Variants in VEGFB observed in about 807,000 individuals in gnomAD.
The protein encoded by VEGFB is VEGF-related factor.
Under a neutral mutation model 22.5 loss-of-function variants are expected in VEGFB, and 24 were observed. The ratio of observed to expected loss-of-function variants is 1.07; its 90% CI spans 0.77 to 1.50. VEGFB has a LOEUF of 1.50. VEGFB is among the 40% of genes most tolerant of loss of function. The pLI is 0.00. For missense variants in VEGFB, 327 were observed against 287.8 expected, an observed-to-expected ratio of 1.14 and a Z score of -0.99; for synonymous variants, 141 against 117.4, an observed-to-expected ratio of 1.20 and a Z score of -1.30.
At position 64,238,642 on chromosome 11, in the gene VEGFB, C is replaced by G. The variant is rs1209156497; in HGVS notation, c.*309C>G. The stretch of plus-strand genomic sequence containing the variant: ...AGCTCAGGGGAGAATGGAGTACTGT[C>G]TCAGTTTCTAACCACTCTGTGCAAG... On this transcript the variant is annotated 3_prime_UTR_variant, in exon 7 of 7. Coordinates refer to ENST00000309422, the MANE Select transcript of VEGFB (RefSeq NM_003377.5). 1.8e-6 allele frequency: 1 copy of G among 565,206 alleles called. No homozygotes were observed. Among genetic ancestry groups the G allele is most frequent in the African/African-American group, 1.9e-5 (1 of 53,146 alleles). 35.0% of individuals were successfully genotyped at this position (565,206 alleles called of 1,614,324 possible).
intron 4 of VEGFB, among the ~76,000 whole-genome samples, chr11:64,236,903 A>T (rs1444986385): frequency 6.8e-6 from 1 of 147,714 alleles, no homozygotes; most frequent in African/African-American, 2.5e-5. Context: ...ACATGGTGAA[A>T]CCCCATCTCT....
Position 64,237,456 on chromosome 11 carries a change from T to TGTTCC in VEGFB, c.449_453dup (p.Gly152PhefsTer37), listed in dbSNP as rs777969822. The TGTTCC allele has an allele frequency of 6.2e-7, 1 of 1,610,140 alleles. No individual in the cohort carries two copies. The highest frequency in any genetic ancestry group is 8.5e-7 in the Non-Finnish European group (1 of 1,177,864). Reference sequence around the variant, plus strand: ...CCCACCACCGTCCCCAGCCCCGTTCTGTTCCGGGCTGGGACTCTGCCCCCG... The same window carrying TGTTCC: ...CCCACCACCGTCCCCAGCCCCGTTCTGTTCCGTTCCGGGCTGGGACTCTGCCCCCG... On this transcript the variant is annotated frameshift_variant, in exon 6 of 7. Transcript: ENST00000309422. LOFTEE classifies it high-confidence loss of function.
At position 64,237,582 on chromosome 11, in the gene VEGFB, C is replaced by T. The variant is rs1048177482; in HGVS notation, c.573C>T (p.Ala191=). The change falls in exon 6 of 7, where the codon GCC becomes GCT. Residue 191 remains alanine (A), a synonymous_variant. Coordinates refer to ENST00000309422, the MANE Select transcript of VEGFB (RefSeq NM_003377.5). ...STTSALTPGP[A]AAAADAAASS... ...CCAGCGCCCTGACCCCCGGACCTGC[C>T]GCTGCCGCTGCCGACGCCGCAGCTT... The T allele has an allele frequency of 6.3e-6, 10 of 1,593,684 alleles. No homozygotes were observed. The highest frequency in any genetic ancestry group is 1.7e-4 in the Middle Eastern group (1 of 6,036).
At chr11:64,236,086 T>C in intron 3 of VEGFB, 77 bp downstream of exon 3, 2 of 1,527,566 alleles carry the variant, frequency 1.3e-6, no homozygotes, top group East Asian at 4.8e-5. Context: ...GGATGCTGGC[T>C]GGCTCTGGGG....
intron 2 of VEGFB, among the ~76,000 whole-genome samples, 154 bp downstream of exon 2, chr11:64,235,654 C>G (rs2029953580): frequency 6.6e-6 from 1 of 152,140 alleles, no homozygotes; most frequent in South Asian, 2.1e-4. Flanking sequence ...AGTGGGGTTA[C>G]TGGGATCTGG....
chr11:64,236,395 A>C lies in VEGFB; in HGVS notation c.374+68A>C. 4.0e-6 allele frequency: 6 copies of C among 1,483,388 alleles called. No homozygotes were observed. The East Asian group carries it at 6.8e-5, about 17-fold the overall frequency. The allele number at this position is 1,483,388 out of a possible 1,614,324, so 91.9% of individuals were successfully genotyped here. On this transcript the variant is annotated intron_variant, in intron 4 of 6. Coordinates refer to ENST00000309422, the MANE Select transcript of VEGFB (RefSeq NM_003377.5). ...TGGGGGGTGCTGGGTATGGTGGTCC[A>C]CAGAACTGGGGACCAGGTTCCTAAG...
intron 4 of VEGFB, among the ~76,000 whole-genome samples, 159 bp downstream of exon 4, chr11:64,236,486 C>T (rs567080601): frequency 2.0e-5 from 3 of 151,896 alleles, no homozygotes; most frequent in Non-Finnish European, 4.4e-5. Context: ...GAGGCCGAGG[C>T]GGGCGGATCA....
chr11:64,237,622 G>C lies in VEGFB; in HGVS notation c.613G>C (p.Gly205Arg), dbSNP rs1176260709. Residue 205 changes from glycine to arginine, a missense_variant, in exon 6 of 7, where the codon GGC (glycine) becomes CGC (arginine). Coordinates refer to ENST00000309422, the MANE Select transcript of VEGFB (RefSeq NM_003377.5). ...CGCCGCAGCTTCCTCCGTTGCCAAG[G>C]GCGGGGCTTAGAGCTCAACCCAGAC... Reference protein sequence around the residue: ...ADAAASSVAKGGA With the variant: ...ADAAASSVAKRGA 6.4e-7 allele frequency: 1 copy of C among 1,567,842 alleles called. No homozygotes were observed. The highest frequency in any genetic ancestry group is 1.8e-5 in the Admixed American group (1 of 54,850).
chr11:64,236,172 G>A, intron 3 of VEGFB, 82 bp from the exon 4 acceptor site: 1 of 1,568,556 alleles, frequency 6.4e-7, no homozygotes. Flanking sequence ...CGGCTGTTGG[G>A]TGAGCTTTTC....
At position 64,235,817 on chromosome 11, in the gene VEGFB, G is replaced by A. The variant is rs2029962677; in HGVS notation, c.108G>A (p.Val36=). 1.2e-6 allele frequency: 2 copies of A among 1,613,744 alleles called. No homozygotes were observed. Among genetic ancestry groups the A allele is most frequent in the African/African-American group, 1.3e-5 (1 of 74,914 alleles). ...CCCCTACCGGTCTGCTCCCAGTGGT[G>A]TCATGGATAGATGTGTATACTCGCG... The part of the protein sequence containing the change: ...PDAPGHQRKV[V]SWIDVYTRAT... The change falls in exon 3 of 7, where the codon GTG becomes GTA. Residue 36 remains valine (V), a synonymous_variant. Transcript: ENST00000309422.
At chr11:64,235,431 T>G in intron 1 of VEGFB, 27 bp from the exon 2 acceptor site, 1 of 1,611,340 alleles carries the variant, frequency 6.2e-7, no homozygotes, top group Admixed American at 1.7e-5. Flanking sequence ...AAGTGTACCT[T>G]GGGTACAGGT....
intron 3 of VEGFB, 93 bp from the exon 4 acceptor site, chr11:64,236,161 C>T (rs2029997986): frequency 1.3e-6 from 2 of 1,550,460 alleles, no homozygotes; most frequent in East Asian, 2.3e-5. Flanking sequence ...GGCCAGCCTC[C>T]CGGCTGTTGG....
intron 6 of VEGFB, 92 bp from the exon 7 acceptor site, chr11:64,238,264 G>C (rs976344612): frequency 3.4e-6 from 5 of 1,486,360 alleles, no homozygotes; most frequent in Admixed American, 2.0e-5. Context: ...AGGATGCTCA[G>C]GTTGTGATCT....
At chr11:64,235,392 A>C in intron 1 of VEGFB, 66 bp from the exon 2 acceptor site, 1 of 1,487,530 alleles carries the variant, frequency 6.7e-7, no homozygotes, top group Non-Finnish European at 9.4e-7. Flanking sequence ...GCAAAGCCCC[A>C]GGGACGGTGA....
rs1591083315 is a variant in VEGFB, at chr11:64,239,172, A to C, written c.*839A>C. On this transcript the variant is annotated 3_prime_UTR_variant, in exon 7 of 7. Transcript: ENST00000309422. ...TTCCACATGTGCACATAGAGGGAACAGAAGATTGCTGTGGTTGGCGTCCTC... is the reference window on the plus strand; with the variant it reads ...TTCCACATGTGCACATAGAGGGAACCGAAGATTGCTGTGGTTGGCGTCCTC... Among the ~76,000 whole-genome samples, 1 of 152,326 alleles carries C rather than the reference A, an allele frequency of 6.6e-6. No homozygotes were observed. Among genetic ancestry groups the C allele is most frequent in the African/African-American group, 2.4e-5 (1 of 41,580 alleles).
intron 2 of VEGFB, 109 bp downstream of exon 2, chr11:64,235,609 T>G: frequency 7.5e-7 from 1 of 1,331,438 alleles, no homozygotes; most frequent in Non-Finnish European, 1.1e-6. Context: ...TTCAAACTAT[T>G]ATTCTACCCA....
intron 4 of VEGFB, 101 bp downstream of exon 4, chr11:64,236,428 C>G (rs1334858002): frequency 9.7e-6 from 12 of 1,231,080 alleles, no homozygotes; most frequent in Admixed American, 9.6e-5. Context: ...AAGAGTAGAA[C>G]CAAGGGGCCG....
chr11:64,235,239 C>T (rs1285552032), intron 1 of VEGFB, among the ~76,000 whole-genome samples: 1 of 152,226 alleles, frequency 6.6e-6, no homozygotes, highest in Non-Finnish European at 1.5e-5. Flanking sequence ...AGATTTGGCG[C>T]GGCCACCAGA....
Position 64,235,970 on chromosome 11 carries a change from G to A in VEGFB, c.261G>A (p.Leu87=), listed in dbSNP as rs749258508. The A allele has an allele frequency of 1.9e-6, 3 of 1,608,218 alleles. No homozygotes were observed. The highest frequency in any genetic ancestry group is 2.5e-6 in the Non-Finnish European group (3 of 1,177,932). Residue 87 remains leucine (L), a synonymous_variant, in exon 3 of 7, where the codon CTG becomes CTA. Coordinates refer to ENST00000309422, the MANE Select transcript of VEGFB (RefSeq NM_003377.5). ...RCGGCCPDDG[L]ECVPTGQHQV... ...GTGGCTGCTGCCCTGACGATGGCCT[G>A]GAGTGTGTGCCCACTGGGCAGCACC...
Sources: allele counts gnomAD v4.1 joint callset (sites outside exome capture counted in the v4.1 genomes callset), GRCh38; gene constraint gnomAD v4.1.1; transcripts MANE v1.5; gene names NCBI Gene and HGNC (gene_info 2026-07-23, HGNC 2026-07-21).